The following WDR35 variants were observed in gnomAD, a reference collection of about 807,000 sequenced individuals.
WDR35 encodes the protein WD repeat domain 35.
WDR35 carries 118 observed loss-of-function variants against 158.3 expected under a neutral mutation model. The observed-to-expected ratio is 0.75, with a 90% confidence interval of 0.64 to 0.87. WDR35 has a LOEUF of 0.87. Among genes scored for constraint, WDR35 ranks in the 40% least tolerant of loss-of-function variants. The pLI is 0.00. For synonymous variants in WDR35, 448 were observed against 476.1 expected, an observed-to-expected ratio of 0.94 and a Z score of 0.77; for missense variants, 1,263 against 1,405.8, an observed-to-expected ratio of 0.90 and a Z score of 1.62.
chr2:19,980,627 C>A, intron 4 of WDR35, 64 bp downstream of exon 4: 1 of 1,363,700 alleles, frequency 7.3e-7, no homozygotes. Flanking sequence ...ATTTACCCAT[C>A]CAAATACTGT....
chr2:19,943,336 G>A (rs76824078), intron 16 of WDR35, among the ~76,000 whole-genome samples: 1,743 of 152,118 alleles, frequency 0.011, 35 homozygotes, highest in African/African-American at 0.04. Context: ...TAGAGTATTT[G>A]ACACATGAGA....
In WDR35 at chr2:19,975,826, A is replaced by G. The variant is rs559648424; in HGVS notation, c.437-163T>C. On this transcript the variant is annotated intron_variant, in intron 5 of 26. Coordinates refer to ENST00000281405, the MANE Select transcript of WDR35 (RefSeq NM_020779.4). ...TTTACTGAGCACCTATATGTGCCTG[A>G]AAAGACATCTGAAATAGCAGCTGTT... is the stretch of plus-strand genomic sequence containing the variant. Among the ~76,000 whole-genome samples, 39 of 152,348 alleles carry G rather than the reference A, an allele frequency of 2.6e-4. 1 individual carries two copies. The Middle Eastern group carries it at 0.01, about 40-fold the overall frequency.
intron 25 of WDR35, among the ~76,000 whole-genome samples, chr2:19,914,975 T>C (rs762061848): frequency 6.6e-6 from 1 of 152,038 alleles, no homozygotes; most frequent in Non-Finnish European, 1.5e-5. Context: ...TTAGGAGAAA[T>C]ACCTAATGTA....
At position 19,937,789 on chromosome 2, in the gene WDR35, C is replaced by T. The variant is rs935073568; in HGVS notation, c.2221G>A (p.Gly741Ser). 9.3e-6 allele frequency: 15 copies of T among 1,613,968 alleles called. No individual in the cohort carries two copies. Among genetic ancestry groups the T allele is most frequent in the African/African-American group, 1.3e-5 (1 of 74,902 alleles). The change falls in exon 19 of 27, where the codon GGC becomes AGC. Residue 741 changes from glycine (G) to serine (S), a missense_variant. By Grantham distance (56) the Gly-to-Ser change is moderately conservative. Transcript: ENST00000281405. Reference sequence around the variant, plus strand: ...GTTCTTTCAGCCTCTTCAAACCTGCCGAAGTAGCCAACAACTTCAGCCTGT... The same window carrying T: ...GTTCTTTCAGCCTCTTCAAACCTGCTGAAGTAGCCAACAACTTCAGCCTGT... ...MKQAEVVGYF[G>S]RFEEAERTYL...
chr2:19,948,109 T>C (rs1671113217), intron 14 of WDR35, 55 bp downstream of exon 14: 2 of 1,438,476 alleles, frequency 1.4e-6, no homozygotes, highest in Non-Finnish European at 1.9e-6. Context: ...GCTCCTACCA[T>C]ATTTTTATAA....
At chr2:19,938,239 T>C in intron 18 of WDR35, 26 bp downstream of exon 18, 3 of 1,613,902 alleles carry the variant, frequency 1.9e-6, no homozygotes, top group Non-Finnish European at 2.5e-6. Flanking sequence ...CCTGACATCC[T>C]GGGAGAGTTT....
chr2:19,982,585 T>C (rs1558361298), intron 2 of WDR35, 51 bp from the exon 3 acceptor site: 2 of 1,572,696 alleles, frequency 1.3e-6, no homozygotes, highest in South Asian at 1.1e-5. Context: ...AAGTGACATA[T>C]TATAAGATTT....
chr2:19,929,582 T>C (rs898878907), intron 25 of WDR35, among the ~76,000 whole-genome samples: 66 of 152,232 alleles, frequency 4.3e-4, no homozygotes, highest in Non-Finnish European at 9.7e-4. Flanking sequence ...AATATTGTTA[T>C]TGTTAAGAAG....
intron 8 of WDR35, 34 bp downstream of exon 8, chr2:19,973,529 T>A: frequency 6.2e-7 from 1 of 1,613,908 alleles, no homozygotes; most frequent in Non-Finnish European, 8.5e-7. Context: ...CACATTTAAA[T>A]AGAAAGAAAG....
intron 10 of WDR35, among the ~76,000 whole-genome samples, chr2:19,966,060 T>A (rs904032663): frequency 1.3e-5 from 2 of 152,166 alleles, no homozygotes; most frequent in Admixed American, 6.5e-5. Context: ...AAAAAATACC[T>A]TTACGATTGT....
At chr2:19,969,145 T>C (rs546345134) in intron 9 of WDR35, among the ~76,000 whole-genome samples, 1 of 152,366 alleles carries the variant, frequency 6.6e-6, no homozygotes, top group East Asian at 1.9e-4. Flanking sequence ...CCAGGGCTGG[T>C]GATGGCTTCT....
intron 8 of WDR35, among the ~76,000 whole-genome samples, chr2:19,971,300 T>G (rs1672027710): frequency 6.6e-6 from 1 of 152,188 alleles, no homozygotes; most frequent in African/African-American, 2.4e-5. Flanking sequence ...GAAATGTAAT[T>G]GCCATTTTGA....
At chr2:19,953,609 C>T (rs1203818807) in intron 12 of WDR35, among the ~76,000 whole-genome samples, 1 of 152,196 alleles carries the variant, frequency 6.6e-6, no homozygotes, top group Non-Finnish European at 1.5e-5. Context: ...CTTATAAAAA[C>T]ACAGCTTTCC....
Position 19,978,811 on chromosome 2 carries a change from C to G in WDR35, c.376G>C (p.Asp126His). Residue 126 changes from aspartate (D) to histidine (H), a missense_variant, in exon 5 of 27, where the codon GAC becomes CAC. Transcript: ENST00000281405. ...TATACAATGCAGATCTTCTGTCCGT[C>G]AGCATTCCAGCTCATACTGCGAACA... ...SVVRSMSWNA[D>H]GQKICIVYED... 6.2e-7 allele frequency: 1 copy of G among 1,613,920 alleles called. No homozygotes were observed. The highest frequency in any genetic ancestry group is 1.1e-5 in the South Asian group (1 of 91,082).
intron 9 of WDR35, among the ~76,000 whole-genome samples, chr2:19,968,636 C>G (rs1265393573): frequency 6.6e-6 from 1 of 152,176 alleles, no homozygotes; most frequent in Non-Finnish European, 1.5e-5. Flanking sequence ...CTTGCTGGGA[C>G]TATAAACTGT....
chr2:19,958,552 T>G (rs1216280425), intron 11 of WDR35, among the ~76,000 whole-genome samples: 2 of 152,246 alleles, frequency 1.3e-5, no homozygotes, highest in Non-Finnish European at 2.9e-5. Context: ...AAACAGTATA[T>G]ACTCATTGAT....
Position 19,914,050 on chromosome 2 carries a change from T to G in WDR35, c.3349A>C (p.Ser1117Arg), listed in dbSNP as rs369515554. The G allele has an allele frequency of 6.2e-7, 1 of 1,614,138 alleles. No homozygotes were observed. Among genetic ancestry groups the G allele is most frequent in the East Asian group, 2.2e-5 (1 of 44,882 alleles). Residue 1117 changes from serine (S) to arginine (R), a missense_variant, in exon 26 of 27, where the codon AGC becomes CGC. Transcript: ENST00000281405. ...SKDNRKPELD[S>R]LMEGGEGKLP... ...AAATTAGCCTACCCTTCCATAAGGC[T>G]GTCCAATTCAGGTTTTCTGTTATCT... is the stretch of plus-strand genomic sequence containing the variant.
rs139447814 is a variant in WDR35 at position 19,931,356 on chromosome 2, G to C, written c.2877C>G (p.Leu959=). 145 of 1,613,252 alleles carry C rather than the reference G, an allele frequency of 9.0e-5. No individual in the cohort carries two copies. Among genetic ancestry groups the C allele is most frequent in the South Asian group, 2.1e-4 (19 of 91,066 alleles). ...CTATAAGTAAGGCTGACAGTACATA[G>C]AGCTTCTTGACACGTAAAGGTTTAC... ...KGSKPLRVKK[L]YVLSALLIEQ... The change falls in exon 24 of 27, where the codon CTC becomes CTG. Residue 959 remains leucine (L), a synonymous_variant. Coordinates refer to ENST00000281405, the MANE Select transcript of WDR35 (RefSeq NM_020779.4).
intron 25 of WDR35, among the ~76,000 whole-genome samples, chr2:19,919,778 A>T (rs1670110789): frequency 6.6e-6 from 1 of 152,254 alleles, no homozygotes; most frequent in Admixed American, 6.5e-5. Context: ...ACCCTCCAAA[A>T]AATCAATGAA....
Sources: allele counts gnomAD v4.1 joint callset (sites outside exome capture counted in the v4.1 genomes callset), GRCh38; gene constraint gnomAD v4.1.1; transcripts MANE v1.5; gene names NCBI Gene and HGNC (gene_info 2026-07-23, HGNC 2026-07-21).